Variants in DIPK1A observed in about 807,000 individuals in gnomAD.
DIPK1A encodes family with sequence similarity 69 member A.
A neutral mutation model predicts 40.8 loss-of-function variants in DIPK1A; 27 were observed. The ratio of observed to expected loss-of-function variants is 0.66; its 90% confidence interval spans 0.49 to 0.91. DIPK1A has a LOEUF of 0.91. Among genes scored for constraint, DIPK1A ranks in the 40% least tolerant of loss-of-function variants. DIPK1A has a pLI of 0.00. For missense variants in DIPK1A, 412 were observed against 505.7 expected, an observed-to-expected ratio of 0.81 and a Z score of 1.78; for synonymous variants, 166 against 171.3, an observed-to-expected ratio of 0.97 and a Z score of 0.24.
chr1:92,844,220 C>T lies in DIPK1A; in HGVS notation c.475-25G>A, dbSNP rs1032588168. 71 of 1,460,560 alleles carry T rather than the reference C, an allele frequency of 4.9e-5. 2 individuals are homozygous for T. In the Admixed American group the frequency reaches 1.5e-3, roughly 31 times the overall value. The allele number at this position is 1,460,560 out of a possible 1,614,324, so 90.5% of individuals were successfully genotyped here. ...CCTGTCAAGAATTTGGCTAGTTACA[C>T]AGAAGGAATGAAAAATACCTCCCAT... On this transcript the variant is annotated intron_variant, in intron 4 of 4. Transcript: ENST00000370310.
At chr1:92,861,469 G>C (rs1223929052) in intron 2 of DIPK1A, among the ~76,000 whole-genome samples, 1 of 151,626 alleles carries the variant, frequency 6.6e-6, no homozygotes, top group African/African-American at 2.4e-5. Context: ...TGGGATTGCA[G>C]GCAAGAACAA....
intron 1 of DIPK1A, among the ~76,000 whole-genome samples, chr1:92,886,267 G>A (rs778048915): frequency 4.6e-5 from 7 of 152,082 alleles, no homozygotes; most frequent in Non-Finnish European, 8.8e-5. Context: ...GGGAGATTGA[G>A]GCTGCAGTAA....
At chr1:92,839,937 C>G (rs1687285350), downstream of DIPK1A, among the ~76,000 whole-genome samples, 1 of 151,272 alleles carries the variant, frequency 6.6e-6, no homozygotes, top group Non-Finnish European at 1.5e-5. Flanking sequence ...GACTTCTGGG[C>G]TCAAGCAATT....
In DIPK1A at chr1:92,910,197, T is replaced by C. The variant is rs566223803; in HGVS notation, c.55-33767A>G. The stretch of plus-strand genomic sequence containing the variant: ...TTCTCACCTAACTACAAATCCTCTA[T>C]GCCACAGAGAAATTTAAAGGGTTCT... On this transcript the variant is annotated intron_variant, in intron 1 of 4. Coordinates refer to ENST00000370310, the MANE Select transcript of DIPK1A (RefSeq NM_001006605.5). 5.3e-5 allele frequency among the ~76,000 whole-genome samples: 8 copies of C among 152,340 alleles called. No individual in the cohort carries two copies. In the South Asian group the frequency reaches 1.2e-3, roughly 24 times the overall value.
At chr1:92,877,130 C>T in intron 1 of DIPK1A, 1 of 985,380 alleles carries the variant, frequency 1.0e-6, no homozygotes, top group African/African-American at 1.7e-5. Context: ...TAAAGCTGCA[C>T]AATAGGATCC....
chr1:92,841,736 T>TC, downstream of DIPK1A: 1 of 1,466,128 alleles, frequency 6.8e-7, no homozygotes, highest in Non-Finnish European at 9.5e-7. Flanking sequence ...CAGTTATAGT[T>TC]TAAAAAATAT....
At chr1:92,931,110 A>G (rs1435132375) in intron 1 of DIPK1A, 1 of 152,168 alleles carries the variant, frequency 6.6e-6, no homozygotes, top group Non-Finnish European at 1.5e-5. Flanking sequence ...TTTTTAAATT[A>G]ATAGATTTAT....
At chr1:92,853,511 C>T (rs1571058471) in intron 2 of DIPK1A, among the ~76,000 whole-genome samples, 1 of 152,160 alleles carries the variant, frequency 6.6e-6, no homozygotes, top group South Asian at 2.1e-4. Context: ...GCAATGCCAG[C>T]GGAGGCTTTG....
At chr1:92,945,385 T>C (rs1456025808) in intron 1 of DIPK1A, among the ~76,000 whole-genome samples, 2 of 152,050 alleles carry the variant, frequency 1.3e-5, no homozygotes, top group Non-Finnish European at 2.9e-5. Context: ...AAGGAACTGA[T>C]AGAGTGTGAG....
chr1:92,852,907 G>C (rs1180365548), intron 2 of DIPK1A, among the ~76,000 whole-genome samples: 1 of 151,934 alleles, frequency 6.6e-6, no homozygotes, highest in African/African-American at 2.4e-5. Context: ...CTGGGTTTGG[G>C]GGCACATATA....
intron 1 of DIPK1A, among the ~76,000 whole-genome samples, chr1:92,877,431 A>G (rs1472999734): frequency 6.6e-6 from 1 of 152,248 alleles, no homozygotes; most frequent in Non-Finnish European, 1.5e-5. Flanking sequence ...CACTGGGAAC[A>G]GTAGGATATT....
At chr1:92,836,409 A>T (rs1687128017) in intron 4 of DIPK1A, 2 of 1,610,146 alleles carry the variant, frequency 1.2e-6, no homozygotes, top group African/African-American at 2.7e-5. Context: ...ATACTATTTA[A>T]GACCTTGGTG....
chr1:92,841,555 CTATGGTAG>C (rs1024820341), downstream of DIPK1A, among the ~76,000 whole-genome samples: 1 of 152,048 alleles, frequency 6.6e-6, no homozygotes. Flanking sequence ...ACTTTTGGCC[CTATGGTAG>C]TAGGACATCA....
intron 1 of DIPK1A, among the ~76,000 whole-genome samples, chr1:92,928,208 A>T (rs1650597473): frequency 6.6e-6 from 1 of 152,124 alleles, no homozygotes. Context: ...AACTCTTTGC[A>T]TTTTTGTTTT....
In DIPK1A at chr1:92,912,416, T is replaced by C. The variant is rs187791481; in HGVS notation, c.55-35986A>G. On this transcript the variant is annotated intron_variant, in intron 1 of 4. Coordinates refer to ENST00000370310, the MANE Select transcript of DIPK1A (RefSeq NM_001006605.5). ...ACAAATAACATATATATAATATATATGCCAAACATTAATGTAATTTTAAAA... is the reference window on the plus strand; with the variant it reads ...ACAAATAACATATATATAATATATACGCCAAACATTAATGTAATTTTAAAA... Among the ~76,000 whole-genome samples the C allele has an allele frequency of 2.3e-3, 353 of 152,192 alleles. 6 individuals are homozygous for C. Among genetic ancestry groups the C allele is most frequent in the African/African-American group, 7.9e-3 (327 of 41,518 alleles).
intron 1 of DIPK1A, among the ~76,000 whole-genome samples, chr1:92,891,597 G>C (rs1648882989): frequency 6.6e-6 from 1 of 152,134 alleles, no homozygotes; most frequent in Non-Finnish European, 1.5e-5. Flanking sequence ...CAGAACACAG[G>C]TGATTTCTGC....
chr1:92,953,398 C>G (rs1486997542), intron 1 of DIPK1A, among the ~76,000 whole-genome samples: 1 of 151,986 alleles, frequency 6.6e-6, no homozygotes, highest in Non-Finnish European at 1.5e-5. Flanking sequence ...TCCAACAATC[C>G]CACTTCTGGA....
intron 1 of DIPK1A, among the ~76,000 whole-genome samples, chr1:92,889,758 C>T (rs1427141734): frequency 2.0e-5 from 3 of 152,108 alleles, no homozygotes; most frequent in Non-Finnish European, 4.4e-5. Context: ...AGCAATCCTC[C>T]CACCTCAGCC....
chr1:92,934,102 G>C (rs773553567), intron 1 of DIPK1A: 8 of 152,122 alleles, frequency 5.3e-5, no homozygotes, highest in Non-Finnish European at 8.8e-5. Context: ...GATGTTAAAG[G>C]TATGAAAGAC....
Sources: gnomAD v4.1 joint callset for allele counts (sites outside exome capture counted in the v4.1 genomes callset) on GRCh38, gnomAD v4.1.1 for gene constraint, MANE v1.5 for transcripts, NCBI Gene and HGNC (gene_info 2026-07-23, HGNC 2026-07-21) for gene names.